Variants in CDC42BPG observed in about 807,000 individuals in gnomAD.
The protein encoded by CDC42BPG is CDC42 binding protein kinase gamma.
CDC42BPG carries 157 observed loss-of-function variants against 192.2 expected under a neutral mutation model. The observed-to-expected ratio is 0.82, with a 90% CI of 0.72 to 0.93. The LOEUF is 0.93. Ranked by LOEUF, CDC42BPG falls within the 40% of genes least tolerant of loss-of-function variation. The probability of loss-of-function intolerance (pLI) is 0.00; values close to 1 mark genes in which losing one functional copy is unlikely to be tolerated. For synonymous variants in CDC42BPG, 981 were observed against 918.5 expected (o/e 1.07, Z -1.23); for missense variants, 1,992 against 2,122.1 (o/e 0.94, Z 1.20).
chr11:64,840,050 T>C, intron 5 of CDC42BPG, 70 bp downstream of exon 5: 2 of 1,459,212 alleles, frequency 1.4e-6, no homozygotes, highest in South Asian at 1.2e-5. Context: ...ACATCAGCTG[T>C]CCCCAGCACA....
chr11:64,838,292 A>C, intron 8 of CDC42BPG, 130 bp from the exon 9 acceptor site: 1 of 656,298 alleles, frequency 1.5e-6, no homozygotes, highest in East Asian at 2.7e-5. Context: ...AACACAGCCC[A>C]ACCCAAACAA....
intron 33 of CDC42BPG, 31 bp from the exon 34 acceptor site, chr11:64,827,198 G>A: frequency 6.2e-7 from 1 of 1,613,582 alleles, no homozygotes; most frequent in East Asian, 2.2e-5. Context: ...AGTGGGTGGC[G>A]AAGCTCCACC....
At chr11:64,827,492 G>A in intron 32 of CDC42BPG, 35 bp downstream of exon 32, 2 of 1,605,126 alleles carry the variant, frequency 1.2e-6, no homozygotes, top group Middle Eastern at 1.7e-4. Context: ...TGCGCACTGG[G>A]GAACGCACAC....
chr11:64,840,104 G>C lies in CDC42BPG; in HGVS notation c.581+16C>G. 1 of 1,607,578 alleles carries C rather than the reference G, an allele frequency of 6.2e-7. No individual in the cohort carries two copies. Among genetic ancestry groups the C allele is most frequent in the Non-Finnish European group, 8.5e-7 (1 of 1,177,344 alleles). On this transcript the variant is annotated intron_variant, in intron 5 of 36. Coordinates refer to ENST00000342711, the MANE Select transcript of CDC42BPG (RefSeq NM_017525.3). ...GGGCAGCGGGGTTGGGCAGGGCAGC[G>C]GGGTTGGGGCCCCACCTGTGGACAT...
At chr11:64,833,536 G>T in intron 23 of CDC42BPG, 64 bp downstream of exon 23, 1 of 1,456,420 alleles carries the variant, frequency 6.9e-7, no homozygotes, top group Non-Finnish European at 9.4e-7. Flanking sequence ...TGTCCCCACA[G>T]TGCCCATTCA....
rs377746620 is a variant in CDC42BPG at position 64,827,169 on chromosome 11, T to C, written c.4272-2A>G. 7.0e-5 allele frequency: 113 copies of C among 1,613,832 alleles called. No individual in the cohort carries two copies. The highest frequency in any genetic ancestry group is 9.1e-5 in the Non-Finnish European group (107 of 1,179,850). ...ACAAAAGGGTCCTTCAGCATCTCCC[T>C]GTGGGCGGAGGTGTAAGTAGTGGGT... is the stretch of plus-strand genomic sequence containing the variant. On this transcript the variant is annotated splice_acceptor_variant, in intron 33 of 36. Transcript: ENST00000342711. LOFTEE classifies it high-confidence loss of function.
intron 4 of CDC42BPG, 112 bp downstream of exon 4, chr11:64,840,441 G>A: frequency 1.5e-6 from 2 of 1,377,688 alleles, no homozygotes; most frequent in Non-Finnish European, 2.0e-6. Context: ...GTGGGAAGTG[G>A]GAGTCTCTTG....
In CDC42BPG at chr11:64,830,245, G is replaced by A; in HGVS notation, c.3316C>T (p.Leu1106Phe). 1 of 1,609,128 alleles carries A rather than the reference G, an allele frequency of 6.2e-7. No homozygotes were observed. Among genetic ancestry groups the A allele is most frequent in the Non-Finnish European group, 8.5e-7 (1 of 1,177,702 alleles). ...LCAAILDQDRLALGTEEGLFV... is the reference protein window; with the variant it reads ...LCAAILDQDRFALGTEEGLFV... ...AGCCCCTCCTCGGTGCCAAGCGCAA[G>A]TCGATCCTGGTCTGGTAGAGGGAGG... is the stretch of plus-strand genomic sequence containing the variant. Residue 1106 changes from leucine (L) to phenylalanine (F), a missense_variant, in exon 29 of 37, where the codon CTT becomes TTT. Physicochemically the swap from Leu to Phe is conservative, Grantham distance 22. Around this residue, in one of 2 missense-constraint regions of CDC42BPG, gnomAD observed 1,656 missense variants for 1,844.3 expected, o/e 0.90. Transcript: ENST00000342711.
rs1219894936 is a variant in CDC42BPG, at chr11:64,832,821, C to T, written c.2865+5G>A. On this transcript the variant is annotated splice_donor_5th_base_variant and intron_variant, in intron 25 of 36. Transcript: ENST00000342711. ...CCATCTTCCCCTCCCTCGGCCCCCA[C>T]TCACCGACAGAAAGCCCTCATAGGC... The T allele has an allele frequency of 1.3e-6, 2 of 1,587,376 alleles. No homozygotes were observed. Among genetic ancestry groups the T allele is most frequent in the Non-Finnish European group, 1.7e-6 (2 of 1,167,150 alleles).
chr11:64,831,301 G>A (rs1942675023), intron 28 of CDC42BPG, among the ~76,000 whole-genome samples: 2 of 152,252 alleles, frequency 1.3e-5, no homozygotes, highest in East Asian at 1.9e-4. Context: ...CTGAGGCACA[G>A]CGAAATGGAG....
intron 28 of CDC42BPG, chr11:64,830,527 G>A (rs1271125283): frequency 2.5e-5 from 14 of 556,784 alleles, no homozygotes; most frequent in Admixed American, 1.2e-4. Context: ...TGGGGACAAC[G>A]ATGGTACTTC....
chr11:64,826,298 C>T (rs1942411639), intron 36 of CDC42BPG, among the ~76,000 whole-genome samples, 172 bp downstream of exon 36: 1 of 152,220 alleles, frequency 6.6e-6, no homozygotes, highest in African/African-American at 2.4e-5. Flanking sequence ...ATCCAGGATC[C>T]TGCTGGTGCC....
At chr11:64,835,906 G>A in intron 13 of CDC42BPG, 55 bp from the exon 14 acceptor site, 4 of 1,507,652 alleles carry the variant, frequency 2.7e-6, no homozygotes, top group Non-Finnish European at 3.6e-6. Flanking sequence ...CAGCCCCTCT[G>A]CCCACCTTAC....
At chr11:64,826,956 T>A in intron 34 of CDC42BPG, 94 bp downstream of exon 34, 6 of 1,168,416 alleles carry the variant, frequency 5.1e-6, no homozygotes, top group Non-Finnish European at 7.5e-6. Context: ...TAGGAGTAAT[T>A]ACAGCGGCCC....
intron 9 of CDC42BPG, 109 bp from the exon 10 acceptor site, chr11:64,837,128 C>T: frequency 1.0e-6 from 1 of 980,332 alleles, no homozygotes; most frequent in Non-Finnish European, 1.6e-6. Flanking sequence ...CAAAACAGAC[C>T]CTGCCCTCGG....
At position 64,831,844 on chromosome 11, in the gene CDC42BPG, G is replaced by C. The variant is rs1327797783; in HGVS notation, c.3088-123C>G. Reference sequence around the variant, plus strand: ...GTGCACTGTCAGCAGCAGGGAGTAGGCCAGACAGGCAAACAGACAACTCCA... The same window carrying C: ...GTGCACTGTCAGCAGCAGGGAGTAGCCCAGACAGGCAAACAGACAACTCCA... On this transcript the variant is annotated intron_variant, in intron 27 of 36. Transcript: ENST00000342711. 3 of 819,506 alleles carry C rather than the reference G, an allele frequency of 3.7e-6. No homozygotes were observed. The East Asian group carries it at 8.1e-5, about 22-fold the overall frequency. The allele number at this position is 819,506 out of a possible 1,614,324, so 50.8% of individuals were successfully genotyped here.
At position 64,829,811 on chromosome 11, in the gene CDC42BPG, G is replaced by A. The variant is rs1161193101; in HGVS notation, c.3627C>T (p.Gly1209=). 2 of 1,605,052 alleles carry A rather than the reference G, an allele frequency of 1.2e-6. No homozygotes were observed. The highest frequency in any genetic ancestry group is 1.7e-6 in the Non-Finnish European group (2 of 1,177,276). ...GGCGCTGCCAGGGCCCAGGGCCCGG[G>A]CCCAGCTGGTAGCAGAGCACCTGGC... ...VKRQVLCYQL[G]PGPGPWQRRI... is the part of the protein sequence containing the mutation. The change falls in exon 30 of 37, where the codon GGC becomes GGT. Residue 1209 remains glycine (G), a synonymous_variant. Transcript: ENST00000342711.
chr11:64,832,896 T>G lies in CDC42BPG; in HGVS notation c.2795A>C (p.Asp932Ala). The change falls in exon 25 of 37, where the codon GAC (aspartate) becomes GCC (alanine). Residue 932 changes from aspartate (D) to alanine (A), a missense_variant. Coordinates refer to ENST00000342711, the MANE Select transcript of CDC42BPG (RefSeq NM_017525.3). ...TACTCCCAGGGCTGTGCGGAGGAGG[T>G]CAGGGGGCACGGGGCAGGGTGGGGC... is the stretch of plus-strand genomic sequence containing the variant. Reference protein sequence around the residue: ...PQAPPCPVPPDLLRTALGVHP... With the variant: ...PQAPPCPVPPALLRTALGVHP... The G allele has an allele frequency of 6.4e-7, 1 of 1,552,336 alleles. No homozygotes were observed. The highest frequency in any genetic ancestry group is 8.7e-7 in the Non-Finnish European group (1 of 1,147,884).
chr11:64,844,583 G>A lies in CDC42BPG; in HGVS notation c.-14C>T. On this transcript the variant is annotated 5_prime_UTR_variant, in exon 1 of 37. Coordinates refer to ENST00000342711, the MANE Select transcript of CDC42BPG (RefSeq NM_017525.3). ...CCGCCGCTCCATGGCTGCGGCCGGA[G>A]CCTCGCTGCTCGGCTACAGTCTGGC... 1 of 1,261,546 alleles carries A rather than the reference G, an allele frequency of 7.9e-7. No individual in the cohort carries two copies. The highest frequency in any genetic ancestry group is 1.0e-6 in the Non-Finnish European group (1 of 1,003,684). The allele number at this position is 1,261,546 out of a possible 1,614,324, so 78.1% of individuals were successfully genotyped here. A position where few individuals can be genotyped will look rare whatever the true frequency, so the allele number is the denominator to read the frequency against.
Sources: gnomAD v4.1 joint callset for allele counts (sites outside exome capture counted in the v4.1 genomes callset) on GRCh38, gnomAD v4.1.1 for gene constraint, gnomAD v4.1.1 regional missense constraint, MANE v1.5 for transcripts, NCBI Gene and HGNC (gene_info 2026-07-23, HGNC 2026-07-21) for gene names.